TRPM3: variants seen among roughly 807,000 people sequenced by gnomAD.
The protein encoded by TRPM3 is long transient receptor potential channel 3.
A neutral mutation model predicts 181.2 loss-of-function variants in TRPM3; 77 were observed. That is an observed-to-expected ratio of 0.42 (90% CI 0.35 to 0.51). TRPM3 has a LOEUF of 0.51. Ranked by LOEUF, TRPM3 falls within the 20% of genes least tolerant of loss-of-function variation. The probability of loss-of-function intolerance (pLI) is 0.01; values close to 1 mark genes in which losing one functional copy is unlikely to be tolerated. For synonymous variants in TRPM3, 745 were observed against 796.4 expected (o/e 0.94, Z 1.09); for missense variants, 1,759 against 2,196.7 (o/e 0.80, Z 3.98).
At chr9:70,949,895 T>C (rs1488103584) in intron 1 of TRPM3, among the ~76,000 whole-genome samples, 1 of 152,168 alleles carries the variant, frequency 6.6e-6, no homozygotes, top group African/African-American at 2.4e-5. Context: ...ATTCACTGCC[T>C]GGACAAGATA....
At chr9:71,146,175 G>A (rs1360684887) in intron 1 of TRPM3, among the ~76,000 whole-genome samples, 1 of 152,126 alleles carries the variant, frequency 6.6e-6, no homozygotes, top group Non-Finnish European at 1.5e-5. Context: ...CTCCTTAGAC[G>A]TTCCTTCGTT....
intron 8 of TRPM3, among the ~76,000 whole-genome samples, chr9:70,693,905 A>T (rs2069362426): frequency 6.6e-6 from 1 of 152,250 alleles, no homozygotes; most frequent in African/African-American, 2.4e-5. Flanking sequence ...TTAGGAAAAG[A>T]TACATTTTAC....
intron 1 of TRPM3, among the ~76,000 whole-genome samples, chr9:71,288,383 A>T (rs954929259): frequency 6.6e-6 from 1 of 152,114 alleles, no homozygotes; most frequent in South Asian, 2.1e-4. Flanking sequence ...TCATATGTGT[A>T]TATATACACA....
At chr9:71,302,003 C>T (rs986367372) in intron 1 of TRPM3, among the ~76,000 whole-genome samples, 1 of 151,962 alleles carries the variant, frequency 6.6e-6, no homozygotes, top group Non-Finnish European at 1.5e-5. Context: ...TGTTTATGCC[C>T]CTCTTTACTC....
intron 19 of TRPM3, 128 bp from the exon 20 acceptor site, chr9:70,603,598 T>G: frequency 1.1e-6 from 1 of 920,012 alleles, no homozygotes; most frequent in Non-Finnish European, 1.6e-6. Flanking sequence ...CAAAAGGAAC[T>G]TGAAGGTGCT....
intron 1 of TRPM3, among the ~76,000 whole-genome samples, chr9:70,990,654 T>C (rs1239462198): frequency 2.0e-5 from 3 of 152,164 alleles, no homozygotes; most frequent in Admixed American, 1.3e-4. Flanking sequence ...ATTACTGGTG[T>C]CACCATTTTA....
intron 1 of TRPM3, among the ~76,000 whole-genome samples, chr9:71,144,318 C>T (rs1019284966): frequency 6.6e-6 from 1 of 152,114 alleles, no homozygotes; most frequent in African/African-American, 2.4e-5. Context: ...TTGGCATACT[C>T]AAAAAACCTT....
intron 1 of TRPM3, among the ~76,000 whole-genome samples, chr9:71,032,107 A>AC (rs2057555742): frequency 1.1e-5 from 1 of 93,970 alleles, no homozygotes; most frequent in Admixed American, 1.7e-4. Context: ...AATATTATAT[A>AC]TATTATATTA....
chr9:70,983,461 C>G (rs1035686711), intron 1 of TRPM3, among the ~76,000 whole-genome samples: 1 of 152,060 alleles, frequency 6.6e-6, no homozygotes, highest in Non-Finnish European at 1.5e-5. Flanking sequence ...TTCTCTTGTG[C>G]CAGCATTTTC....
At chr9:71,174,078 T>C (rs1336523043) in intron 1 of TRPM3, among the ~76,000 whole-genome samples, 1 of 152,224 alleles carries the variant, frequency 6.6e-6, no homozygotes, top group African/African-American at 2.4e-5. Flanking sequence ...CATATGTCTG[T>C]ACGAGTATTT....
chr9:71,267,536 T>G (rs2083471442), intron 1 of TRPM3, among the ~76,000 whole-genome samples: 2 of 151,414 alleles, frequency 1.3e-5, no homozygotes, highest in African/African-American at 4.9e-5. Flanking sequence ...CACAAAGATT[T>G]GGAAGGCACA....
chr9:70,601,723 G>A (rs1003366207), intron 20 of TRPM3, among the ~76,000 whole-genome samples: 8 of 152,284 alleles, frequency 5.3e-5, no homozygotes, highest in African/African-American at 1.9e-4. Context: ...GGATATCCAG[G>A]CCTCGAGGCT....
chr9:71,041,525 T>C (rs534152304), intron 1 of TRPM3, among the ~76,000 whole-genome samples: 98 of 152,264 alleles, frequency 6.4e-4, no homozygotes, highest in African/African-American at 2.2e-3. Flanking sequence ...TATGTTTTTC[T>C]GACTAACTCC....
chr9:71,226,371 A>G (rs781266774), intron 1 of TRPM3, among the ~76,000 whole-genome samples: 7 of 152,126 alleles, frequency 4.6e-5, no homozygotes, highest in Non-Finnish European at 1.0e-4. Flanking sequence ...TAAACTCTCC[A>G]ATTGAAAGAC....
chr9:70,885,988 G>A (rs1167044468), intron 1 of TRPM3, among the ~76,000 whole-genome samples: 1 of 152,144 alleles, frequency 6.6e-6, no homozygotes, highest in Non-Finnish European at 1.5e-5. Context: ...CAATCTGTAT[G>A]TTGTAACTGA....
chr9:70,769,268 C>T (rs973100768), intron 7 of TRPM3, among the ~76,000 whole-genome samples: 1 of 152,152 alleles, frequency 6.6e-6, no homozygotes. Context: ...TACTGAATCT[C>T]CCAAGCCCAC....
At position 70,625,054 on chromosome 9, in the gene TRPM3, CT is replaced by C. The variant is rs1173534026; in HGVS notation, c.1809+136del. On this transcript the variant is annotated intron_variant, in intron 14 of 25. Transcript: ENST00000677713. The surrounding 1 kb of genome is among the most constrained non-coding windows in gnomAD (Gnocchi z 4.8). ...GATAAGATTAATTTGAATTTCATTA[CT>C]TTTCTTTGATTGTTTAGGTTCACTC... 3.0e-5 allele frequency: 30 copies of C among 991,386 alleles called. No individual in the cohort carries two copies. Among genetic ancestry groups the C allele is most frequent in the Non-Finnish European group, 4.1e-5 (29 of 712,966 alleles). 61.4% of individuals were successfully genotyped at this position (991,386 alleles called of 1,614,324 possible).
intron 11 of TRPM3, among the ~76,000 whole-genome samples, chr9:70,638,516 ATCCC>A (rs2057564771): frequency 6.6e-6 from 1 of 152,170 alleles, no homozygotes; most frequent in African/African-American, 2.4e-5. Context: ...ACTCCTTGGT[ATCCC>A]TAGTGAGTAA....
chr9:70,805,545 A>G (rs1334822018), intron 6 of TRPM3, among the ~76,000 whole-genome samples: 2 of 74,220 alleles, frequency 2.7e-5, no homozygotes, highest in Non-Finnish European at 5.1e-5. Context: ...AAAAAAAAAA[A>G]AAAAAAAAAA....
Sources: gnomAD v4.1 joint callset for allele counts (sites outside exome capture counted in the v4.1 genomes callset) on GRCh38, gnomAD v4.1.1 for gene constraint, Gnocchi (gnomAD v3.1) non-coding constraint, MANE v1.5 for transcripts, NCBI Gene and HGNC (gene_info 2026-07-23, HGNC 2026-07-21) for gene names.